Variants in NECAP2 observed in about 807,000 individuals in gnomAD.
NECAP2 encodes the protein adaptin ear-binding coat-associated protein 2.
NECAP2 carries 38 observed loss-of-function variants against 37.8 expected under a neutral mutation model. That is an observed-to-expected ratio of 1.01 (90% CI 0.78 to 1.32). The LOEUF (loss-of-function observed/expected upper bound fraction) is 1.32, where lower values mean the gene tolerates loss of function less well. NECAP2 is among the 40% of genes most tolerant of loss of function. The pLI is 0.00. For missense variants in NECAP2, 316 were observed against 334.5 expected (o/e 0.94, Z 0.43); for synonymous variants, 121 against 127.7 (o/e 0.95, Z 0.35).
At chr1:16,456,020 TTTTC>T (rs2086912560) in intron 7 of NECAP2, 127 bp downstream of exon 7, 4 of 656,792 alleles carry the variant, frequency 6.1e-6, no homozygotes, top group Admixed American at 3.0e-5. Flanking sequence ...GGATGTTTTC[TTTTC>T]TTTTTTTTTT....
chr1:16,452,092 C>A (rs2086852856), intron 6 of NECAP2, 77 bp downstream of exon 6: 1 of 1,397,800 alleles, frequency 7.2e-7, no homozygotes, highest in Non-Finnish European at 9.7e-7. Flanking sequence ...CCCATGGTTT[C>A]CCCCCCGTTA....
intron 5 of NECAP2, 157 bp from the exon 6 acceptor site, chr1:16,451,681 A>T: frequency 2.9e-6 from 2 of 699,722 alleles, no homozygotes; most frequent in Non-Finnish European, 5.1e-6. Flanking sequence ...ATGATGCACT[A>T]AGTATAGCTC....
intron 5 of NECAP2, chr1:16,449,866 G>A: frequency 9.1e-6 from 2 of 219,976 alleles, no homozygotes; most frequent in Non-Finnish European, 1.8e-5. Flanking sequence ...GAACAGGTTG[G>A]GCTGGGCTGG....
At chr1:16,452,740 C>CA (rs2100964107) in intron 6 of NECAP2, among the ~76,000 whole-genome samples, 1 of 152,236 alleles carries the variant, frequency 6.6e-6, no homozygotes, top group East Asian at 1.9e-4. Flanking sequence ...GCTGGGGTGC[C>CA]AGCCCTTTTC....
At chr1:16,456,492 C>A (rs1297887672) in intron 7 of NECAP2, among the ~76,000 whole-genome samples, 1 of 152,110 alleles carries the variant, frequency 6.6e-6, no homozygotes, top group African/African-American at 2.4e-5. Flanking sequence ...TTTGGCTTGT[C>A]CCCAGTACCT....
rs201867297 is a variant in NECAP2 at position 16,443,595 on chromosome 1, G to A, written c.93-37G>A. The A allele has an allele frequency of 5.2e-5, 78 of 1,500,674 alleles. 2 individuals carry two copies. The East Asian group carries it at 1.7e-3, about 33-fold the overall frequency. 93.0% of individuals were successfully genotyped at this position (1,500,674 alleles called of 1,614,324 possible). On this transcript the variant is annotated intron_variant, in intron 1 of 7. Coordinates refer to ENST00000337132, the MANE Select transcript of NECAP2 (RefSeq NM_018090.5). ...CCAGCATTGGGGTCACACAGCAGGA[G>A]CCTCTGGCAGAGATTCAGTGGTGTT...
chr1:16,450,285 G>C, intron 5 of NECAP2: 1 of 353,562 alleles, frequency 2.8e-6, no homozygotes, highest in Non-Finnish European at 5.6e-6. Context: ...GTTTTGTTTT[G>C]TTGTTTTTTT....
chr1:16,459,500 AAAAGGAACTGCTC>A lies in NECAP2; in HGVS notation c.*611_*623del, dbSNP rs2086982528. The A allele has an allele frequency of 6.6e-6, 1 of 152,288 alleles. No homozygotes were observed. Among genetic ancestry groups the A allele is most frequent in the African/African-American group, 2.4e-5 (1 of 41,456 alleles). 9.4% of individuals were successfully genotyped at this position (152,288 alleles called of 1,614,324 possible). A position where few individuals can be genotyped will look rare whatever the true frequency, so the allele number is the denominator to read the frequency against. On this transcript the variant is annotated 3_prime_UTR_variant, in exon 8 of 8. Transcript: ENST00000337132. ...CTGATCCGCACTAACTCATCTTTGC[AAAAGGAACTGCTC>A]CCTCGGCGTGCCCCAGCTGGGGCCT...
intron 5 of NECAP2, chr1:16,450,374 T>C (rs1235214783): frequency 1.9e-5 from 6 of 319,660 alleles, no homozygotes; most frequent in South Asian, 1.3e-4. Context: ...TTAGGGAGGG[T>C]TGGGGACTTG....
At chr1:16,452,063 T>C in intron 6 of NECAP2, 48 bp downstream of exon 6, 1 of 1,504,736 alleles carries the variant, frequency 6.6e-7, no homozygotes, top group Non-Finnish European at 8.9e-7. Context: ...CCGGCTCCTC[T>C]TCTCCCTGGC....
chr1:16,442,775 G>A (rs1557684488), intron 1 of NECAP2, among the ~76,000 whole-genome samples: 1 of 151,914 alleles, frequency 6.6e-6, no homozygotes, highest in Non-Finnish European at 1.5e-5. Context: ...TTTTTTAATT[G>A]GCCTGGTGTG....
chr1:16,450,693 A>G (rs2086829743), intron 5 of NECAP2: 4 of 152,456 alleles, frequency 2.6e-5, no homozygotes, highest in Admixed American at 2.6e-4. Context: ...CACGCCTGTA[A>G]TCCCAGCACT....
intron 5 of NECAP2, chr1:16,449,573 G>A (rs2086811662): frequency 1.9e-5 from 4 of 210,424 alleles, no homozygotes; most frequent in Admixed American, 1.6e-4. Flanking sequence ...TTCACACAGA[G>A]GAACAGCAGG....
At chr1:16,458,700 C>A in intron 7 of NECAP2, 142 bp from the exon 8 acceptor site, 2 of 771,872 alleles carry the variant, frequency 2.6e-6, no homozygotes, top group Non-Finnish European at 4.2e-6. Flanking sequence ...GGTCTCTGTG[C>A]CAGAGTTTGC....
chr1:16,451,951 T>TC lies in NECAP2; in HGVS notation c.608dup (p.Gly204TrpfsTer35). ...GGGGGAAAACCTCCACCCTGATCCC[T>TC]CCCCCTGGGGAGCAGTTGGCTGTGG... On this transcript the variant is annotated frameshift_variant, in exon 6 of 8. Transcript: ENST00000337132. LOFTEE classifies it high-confidence loss of function. 6.2e-7 allele frequency: 1 copy of TC among 1,610,752 alleles called. No individual in the cohort carries two copies. Among genetic ancestry groups the TC allele is most frequent in the South Asian group, 1.1e-5 (1 of 90,854 alleles).
chr1:16,448,624 G>A (rs2086796946), intron 4 of NECAP2, among the ~76,000 whole-genome samples: 1 of 152,154 alleles, frequency 6.6e-6, no homozygotes, highest in South Asian at 2.1e-4. Context: ...TTCCCTTACC[G>A]GTGCTGCTGG....
At chr1:16,456,765 TC>T (rs1276926882) in intron 7 of NECAP2, among the ~76,000 whole-genome samples, 3 of 152,070 alleles carry the variant, frequency 2.0e-5, no homozygotes, top group African/African-American at 7.2e-5. Context: ...ACAGGGTCTC[TC>T]TCTGTCACCC....
chr1:16,456,545 A>T (rs2086922721), intron 7 of NECAP2, among the ~76,000 whole-genome samples: 1 of 152,062 alleles, frequency 6.6e-6, no homozygotes, highest in African/African-American at 2.4e-5. Context: ...AAAATAGTGG[A>T]CTGAGAGTTC....
At chr1:16,457,203 C>T (rs150870469) in intron 7 of NECAP2, among the ~76,000 whole-genome samples, 1,755 of 152,236 alleles carry the variant, frequency 0.012, 36 homozygotes, top group African/African-American at 0.038. Context: ...TGCCTGTAAT[C>T]CCAGCACTTT....
Sources: allele counts gnomAD v4.1 joint callset (sites outside exome capture counted in the v4.1 genomes callset), GRCh38; gene constraint gnomAD v4.1.1; transcripts MANE v1.5; gene names NCBI Gene and HGNC (gene_info 2026-07-23, HGNC 2026-07-21).